ASPH: variants seen among roughly 807,000 people sequenced by gnomAD.
ASPH encodes the protein aspartate beta-hydroxylase.
In ASPH, 100 loss-of-function variants were observed where a neutral mutation model predicts 118.4. That is an observed-to-expected ratio of 0.84 (90% confidence interval 0.72 to 1.00). The LOEUF (loss-of-function observed/expected upper bound fraction) is 1.00, where lower values mean the gene tolerates loss of function less well. Among genes scored for constraint, ASPH ranks in the 50% least tolerant of loss-of-function variants. The pLI, the probability that ASPH is intolerant of heterozygous loss-of-function variation, is 0.00. For missense variants in ASPH, 920 were observed against 919.5 expected, an observed-to-expected ratio of 1.00 and a Z score of -0.01; for synonymous variants, 315 against 325.6, an observed-to-expected ratio of 0.97 and a Z score of 0.35.
intron 21 of ASPH, among the ~76,000 whole-genome samples, chr8:61,538,003 A>G (rs1461052427): frequency 2.6e-5 from 4 of 152,206 alleles, no homozygotes; most frequent in African/African-American, 4.8e-5. Context: ...ACTCTTATTA[A>G]GGGCTCATAT....
Position 61,502,122 on chromosome 8 carries a change from T to G in ASPH, c.*1237A>C, listed in dbSNP as rs1332420735. On this transcript the variant is annotated 3_prime_UTR_variant, in exon 25 of 25. Transcript: ENST00000379454. ...GAGTAGGCAAGACGATTTTTACCTA[T>G]TATTTCTATGTTGTGGGTAATGTTA... The G allele has an allele frequency of 6.6e-6, 1 of 152,214 alleles. No individual in the cohort carries two copies. The highest frequency in any genetic ancestry group is 1.5e-5 in the Non-Finnish European group (1 of 68,032). 9.4% of individuals were successfully genotyped at this position (152,214 alleles called of 1,614,324 possible).
intron 23 of ASPH, 113 bp from the exon 24 acceptor site, chr8:61,517,774 T>C (rs1811443331): frequency 2.2e-6 from 3 of 1,357,380 alleles, no homozygotes; most frequent in Non-Finnish European, 3.0e-6. Context: ...CTTTGTAAGA[T>C]TTAATATTTA....
intron 1 of ASPH, chr8:61,684,816 A>G (rs4446731): frequency 1.3e-5 from 2 of 151,904 alleles, no homozygotes; most frequent in African/African-American, 4.8e-5. Context: ...GATATGCTTA[A>G]TATACCTTAT....
intron 14 of ASPH, among the ~76,000 whole-genome samples, chr8:61,608,838 T>C (rs1846404151): frequency 1.3e-5 from 2 of 152,184 alleles, no homozygotes; most frequent in Non-Finnish European, 2.9e-5. Flanking sequence ...ACTTTCTTCT[T>C]CCTCTTCATC....
chr8:61,590,643 G>C (rs1840843408), intron 14 of ASPH, among the ~76,000 whole-genome samples: 4 of 151,870 alleles, frequency 2.6e-5, no homozygotes, highest in Non-Finnish European at 5.9e-5. Flanking sequence ...GGAAAATAAT[G>C]TGCATCTTGA....
chr8:61,585,050 C>T (rs192530393), intron 14 of ASPH, among the ~76,000 whole-genome samples: 136 of 152,312 alleles, frequency 8.9e-4, no homozygotes, highest in Middle Eastern at 3.4e-3. Context: ...ATCCTTCACG[C>T]GCTTATCTTA....
At chr8:61,532,965 C>A (rs1457686451) in intron 21 of ASPH, among the ~76,000 whole-genome samples, 2 of 152,162 alleles carry the variant, frequency 1.3e-5, no homozygotes, top group Non-Finnish European at 2.9e-5. Flanking sequence ...CCTTCTCTTT[C>A]TTTCCTGTTT....
At chr8:61,616,730 T>C (rs185649819) in intron 14 of ASPH, among the ~76,000 whole-genome samples, 4 of 152,270 alleles carry the variant, frequency 2.6e-5, no homozygotes, top group Non-Finnish European at 2.9e-5. Flanking sequence ...AGTGCTTAGG[T>C]TTCCCTAACC....
rs566665393 is a variant in ASPH, at chr8:61,689,373, GAAT to G, written c.104-5188_104-5186del. ...TAAATTCATTGTAATTAACTTATAA[GAAT>G]AAGAAGAGAGCTTGTACATTTTTTG... On this transcript the variant is annotated intron_variant, in intron 1 of 24. Coordinates refer to ENST00000379454, the MANE Select transcript of ASPH (RefSeq NM_004318.4). Among the ~76,000 whole-genome samples the G allele has an allele frequency of 2.8e-3, 421 of 152,112 alleles. 2 individuals carry two copies. Among genetic ancestry groups the G allele is most frequent in the African/African-American group, 9.8e-3 (405 of 41,538 alleles).
At chr8:61,594,069 A>G (rs1378683267) in intron 14 of ASPH, among the ~76,000 whole-genome samples, 2 of 152,160 alleles carry the variant, frequency 1.3e-5, no homozygotes, top group African/African-American at 2.4e-5. Context: ...CCTGAAATAA[A>G]CCCAGCTCCA....
chr8:61,665,574 CCTT>C, intron 3 of ASPH: 1 of 1,590,408 alleles, frequency 6.3e-7, no homozygotes, highest in Non-Finnish European at 8.5e-7. Flanking sequence ...TTCTCTTTCT[CCTT>C]CTTGAGCTCT....
At chr8:61,603,191 C>CA (rs11336705) in intron 14 of ASPH, among the ~76,000 whole-genome samples, 2,714 of 61,310 alleles carry the variant, frequency 0.044, 290 homozygotes, top group African/African-American at 0.11. Context: ...AGACTTGTCT[C>CA]AAAAAAAAAA....
chr8:61,638,467 C>T (rs1858911411), intron 10 of ASPH, 104 bp from the exon 11 acceptor site: 1 of 1,007,524 alleles, frequency 9.9e-7, no homozygotes. Flanking sequence ...ATCTTTGAAC[C>T]TGCAAGGTTC....
At chr8:61,678,522 C>T (rs1826431373) in intron 3 of ASPH, among the ~76,000 whole-genome samples, 1 of 151,914 alleles carries the variant, frequency 6.6e-6, no homozygotes. Flanking sequence ...GATTTACTCA[C>T]ATATATTTAA....
intron 1 of ASPH, among the ~76,000 whole-genome samples, chr8:61,709,552 T>C (rs1431769829): frequency 1.3e-5 from 2 of 152,186 alleles, no homozygotes; most frequent in Non-Finnish European, 2.9e-5. Flanking sequence ...CATTTCCCGA[T>C]AGATGGCTGA....
At chr8:61,569,347 C>T (rs190052342) in intron 16 of ASPH, among the ~76,000 whole-genome samples, 137 of 152,072 alleles carry the variant, frequency 9.0e-4, no homozygotes, top group African/African-American at 3.2e-3. Flanking sequence ...TGGCTAGATG[C>T]TAAAAGTAGC....
In ASPH at chr8:61,581,976, G is replaced by A. The variant is rs1170993757; in HGVS notation, c.1062+1968C>T. On this transcript the variant is annotated intron_variant, in intron 15 of 24. Coordinates refer to ENST00000379454, the MANE Select transcript of ASPH (RefSeq NM_004318.4). ...TACTTTCATGTAACATAGTCCTTGA[G>A]CCTAAGGCATGAACTGAGGCTGCAC... Among the ~76,000 whole-genome samples, 3 of 152,180 alleles carry A rather than the reference G, an allele frequency of 2.0e-5. No homozygotes were observed. The East Asian group carries it at 5.8e-4, about 29-fold the overall frequency.
intron 4 of ASPH, among the ~76,000 whole-genome samples, chr8:61,652,093 A>T (rs187478819): frequency 6.6e-6 from 1 of 152,336 alleles, no homozygotes; most frequent in Admixed American, 6.5e-5. Context: ...AAGCATAAAA[A>T]TGCCTATTTT....
At chr8:61,710,614 G>T (rs1327201710) in intron 1 of ASPH, among the ~76,000 whole-genome samples, 2 of 152,180 alleles carry the variant, frequency 1.3e-5, no homozygotes, top group Non-Finnish European at 2.9e-5. Context: ...TGGTCAGGAT[G>T]GACAAAATGC....
Sources: allele counts gnomAD v4.1 joint callset (sites outside exome capture counted in the v4.1 genomes callset), GRCh38; gene constraint gnomAD v4.1.1; transcripts MANE v1.5; gene names NCBI Gene and HGNC (gene_info 2026-07-23, HGNC 2026-07-21).